ARHGEF4: variants seen among roughly 807,000 people sequenced by gnomAD.
ARHGEF4 encodes the protein Rho guanine nucleotide exchange factor 4.
ARHGEF4 carries 119 observed loss-of-function variants against 162.0 expected under a neutral mutation model. The ratio of observed to expected loss-of-function variants is 0.73; its 90% confidence interval spans 0.63 to 0.86. The LOEUF is 0.86. ARHGEF4 is among the 40% of genes least tolerant of loss of function. The pLI is 0.00. For synonymous variants in ARHGEF4, 1,014 were observed against 979.9 expected, an observed-to-expected ratio of 1.03 and a Z score of -0.65; for missense variants, 2,488 against 2,456.0, an observed-to-expected ratio of 1.01 and a Z score of -0.28.
chr2:130,880,716 G>A (rs756903927), intron 1 of ARHGEF4, among the ~76,000 whole-genome samples: 1 of 152,084 alleles, frequency 6.6e-6, no homozygotes, highest in South Asian at 2.1e-4. Flanking sequence ...TAAATTTTTT[G>A]TGGAGACAAG....
chr2:130,977,416 G>A (rs1466674647), intron 4 of ARHGEF4, among the ~76,000 whole-genome samples: 1 of 151,648 alleles, frequency 6.6e-6, no homozygotes, highest in African/African-American at 2.4e-5. Context: ...TGTGTATGGG[G>A]TGTGTTTGTG....
intron 4 of ARHGEF4, chr2:130,964,119 C>CA: frequency 1.0e-6 from 1 of 953,042 alleles, no homozygotes; most frequent in Middle Eastern, 5.3e-4. Flanking sequence ...GCAGCAGCAG[C>CA]GCCGGGCTGT....
At chr2:130,970,831 G>A (rs751675899) in intron 4 of ARHGEF4, among the ~76,000 whole-genome samples, 3 of 152,152 alleles carry the variant, frequency 2.0e-5, no homozygotes, top group Non-Finnish European at 4.4e-5. Context: ...TGTTAGATAT[G>A]TGATTTGCAA....
chr2:130,869,929 G>GC (rs1057119921), intron 1 of ARHGEF4, among the ~76,000 whole-genome samples: 2 of 152,186 alleles, frequency 1.3e-5, no homozygotes, highest in African/African-American at 4.8e-5. Context: ...GCTGAACAAG[G>GC]CCCCCTCCGT....
rs62178867 is a variant in ARHGEF4, at chr2:130,916,129, G to A, written c.2183G>A (p.Ser728Asn). Reference sequence around the variant, plus strand: ...CAAGCTGCTTCGGAAGAGACGCCGAGCACAGAGGAGCCCCCGGGAGAGAGA... The same window carrying A: ...CAAGCTGCTTCGGAAGAGACGCCGAACACAGAGGAGCCCCCGGGAGAGAGA... ...VPQAASEETP[S>N]TEEPPGERLR... is the part of the protein sequence containing the mutation. Residue 728 changes from serine to asparagine, a missense_variant, in exon 2 of 14, where the codon AGC becomes AAC. By Grantham distance (46) the Ser-to-Asn change is conservative. Around this residue, in one of 6 missense-constraint regions of ARHGEF4, gnomAD observed 1,642 missense variants for 1,481.5 expected, o/e 1.11. Coordinates refer to ENST00000409359, the MANE Select transcript of ARHGEF4 (RefSeq NM_001367493.1). 0.21 allele frequency: 321,070 copies of A among 1,549,464 alleles called. 34,468 individuals are homozygous for A. Among genetic ancestry groups the A allele is most frequent in the Middle Eastern group, 0.27 (1,505 of 5,548 alleles).
chr2:130,976,128 T>C (rs1685687201), intron 4 of ARHGEF4, among the ~76,000 whole-genome samples: 1 of 151,888 alleles, frequency 6.6e-6, no homozygotes, highest in Non-Finnish European at 1.5e-5. Context: ...CATGGAGAGG[T>C]TGTGCAAGGT....
At chr2:130,949,833 G>A (rs1683842532) in intron 4 of ARHGEF4, among the ~76,000 whole-genome samples, 1 of 152,164 alleles carries the variant, frequency 6.6e-6, no homozygotes, top group Non-Finnish European at 1.5e-5. Context: ...ATTTTTAGTA[G>A]AGACAGGGTT....
chr2:131,021,323 C>T (rs1004384002), intron 4 of ARHGEF4, among the ~76,000 whole-genome samples: 2 of 152,076 alleles, frequency 1.3e-5, no homozygotes, highest in Non-Finnish European at 2.9e-5. Context: ...AGAAATAATG[C>T]CCCATATCTA....
chr2:130,911,786 G>A (rs569726935), intron 1 of ARHGEF4, among the ~76,000 whole-genome samples: 44 of 152,158 alleles, frequency 2.9e-4, no homozygotes, highest in Non-Finnish European at 6.3e-4. Flanking sequence ...CCAGCAAGAC[G>A]CCAGCCCCTG....
chr2:130,839,679 C>T lies in ARHGEF4; in HGVS notation c.39+2687C>T, dbSNP rs564666348. 2.6e-5 allele frequency among the ~76,000 whole-genome samples: 4 copies of T among 152,270 alleles called. No individual in the cohort carries two copies. The East Asian group carries it at 7.7e-4, about 29-fold the overall frequency. On this transcript the variant is annotated intron_variant, in intron 1 of 13. Coordinates refer to ENST00000409359, the MANE Select transcript of ARHGEF4 (RefSeq NM_001367493.1). ...GCAAATGAGTCAGAGGAGCAGCACA[C>T]CCAAAAGGAAAATATGTTGTCTCAA...
At chr2:131,035,582 C>T (rs1690212833) in intron 5 of ARHGEF4, 2 of 824,688 alleles carry the variant, frequency 2.4e-6, no homozygotes, top group East Asian at 9.9e-5. Flanking sequence ...TGTCTGGAAA[C>T]GGAGTGCATG....
chr2:130,881,744 C>A (rs1462469048), intron 1 of ARHGEF4, among the ~76,000 whole-genome samples: 2 of 152,070 alleles, frequency 1.3e-5, no homozygotes, highest in African/African-American at 4.8e-5. Context: ...GCGGCCCTTG[C>A]GTGGGCGAGA....
chr2:131,041,303 C>A lies in ARHGEF4; in HGVS notation c.4736C>A (p.Thr1579Asn), dbSNP rs746502583. ...GCCTGCGTGGAGCTCTCCCGGCTCA[C>A]CAAGCTCAGCAAGTACGTGTACTTC... ...PNACVELSRL[T>N]KLSKYVYFFE... The change falls in exon 9 of 14, where the codon ACC becomes AAC. Residue 1579 changes from threonine (T) to asparagine (N), a missense_variant. Thr to Asn is a moderately conservative substitution (Grantham distance 65). Transcript: ENST00000409359. 4.3e-6 allele frequency: 7 copies of A among 1,613,938 alleles called. No individual in the cohort carries two copies. The highest frequency in any genetic ancestry group is 5.9e-6 in the Non-Finnish European group (7 of 1,180,042).
chr2:130,893,836 T>G (rs1680002278), intron 1 of ARHGEF4, among the ~76,000 whole-genome samples: 1 of 152,156 alleles, frequency 6.6e-6, no homozygotes, highest in Admixed American at 6.5e-5. Flanking sequence ...CTCTCCAAAC[T>G]TAGCAGGCGA....
intron 4 of ARHGEF4, among the ~76,000 whole-genome samples, chr2:130,957,167 C>CAAATA (rs778850541): frequency 2.7e-5 from 4 of 148,168 alleles, no homozygotes; most frequent in African/African-American, 9.9e-5. Context: ...GGATTGTTAA[C>CAAATA]AAATAAAATA....
chr2:130,980,911 G>A (rs886360904), intron 4 of ARHGEF4, among the ~76,000 whole-genome samples: 2 of 152,128 alleles, frequency 1.3e-5, no homozygotes, highest in Admixed American at 6.5e-5. Flanking sequence ...CCATATCACA[G>A]TTTTTCTTCA....
Position 130,836,935 on chromosome 2 carries a change from G to C in ARHGEF4, c.-19G>C, listed in dbSNP as rs1036290882. ...GCTCGTAGTGCTGCGGCCGGGCTCC[G>C]GGCGTCCCGGCGGCCACCATGCTCA... On this transcript the variant is annotated 5_prime_UTR_variant, in exon 1 of 14. Coordinates refer to ENST00000409359, the MANE Select transcript of ARHGEF4 (RefSeq NM_001367493.1). The C allele has an allele frequency of 3.1e-5, 38 of 1,224,516 alleles. No individual in the cohort carries two copies. Among genetic ancestry groups the C allele is most frequent in the Non-Finnish European group, 3.7e-5 (36 of 983,258 alleles). 75.9% of individuals were successfully genotyped at this position (1,224,516 alleles called of 1,614,324 possible). A position where few individuals can be genotyped will look rare whatever the true frequency, so the allele number is the denominator to read the frequency against.
rs1681465895 is a variant in ARHGEF4 at position 130,916,035 on chromosome 2, C to T, written c.2089C>T (p.Gln697Ter). The T allele has an allele frequency of 6.5e-7, 1 of 1,550,246 alleles. No homozygotes were observed. The highest frequency in any genetic ancestry group is 1.4e-5 in the African/African-American group (1 of 73,064). Residue 697 changes from glutamine (Q) to a stop codon, truncating the protein, a stop_gained, in exon 2 of 14, where the codon CAG becomes TAG. Transcript: ENST00000409359. LOFTEE classifies it high-confidence loss of function. ...GTGTGAGTTGCCAGCAGCCCCCATACAGGGAGCTGGCGATGGGGCTCTTCA... is the reference window on the plus strand; with the variant it reads ...GTGTGAGTTGCCAGCAGCCCCCATATAGGGAGCTGGCGATGGGGCTCTTCA... ...NECELPAAPI[Q>*]GAGDGALQRV...
chr2:130,970,937 C>T (rs554934283), intron 4 of ARHGEF4, among the ~76,000 whole-genome samples: 27 of 152,288 alleles, frequency 1.8e-4, no homozygotes, highest in Admixed American at 1.4e-3. Flanking sequence ...TTTTTCATCT[C>T]TCTGTCTTAT....
Sources: allele counts gnomAD v4.1 joint callset (sites outside exome capture counted in the v4.1 genomes callset), GRCh38; gene constraint gnomAD v4.1.1; regional missense constraint gnomAD v4.1.1; transcripts MANE v1.5; gene names NCBI Gene and HGNC (gene_info 2026-07-23, HGNC 2026-07-21).